The following IPCEF1 variants were observed in gnomAD, a reference collection of about 807,000 sequenced individuals.
IPCEF1 encodes the protein interactor protein for cytohesin exchange factors 1.
A neutral mutation model predicts 50.9 loss-of-function variants in IPCEF1; 31 were observed. The observed-to-expected ratio is 0.61, with a 90% CI of 0.46 to 0.82. The LOEUF (loss-of-function observed/expected upper bound fraction) is 0.82. IPCEF1 is among the 40% of genes least tolerant of loss of function. IPCEF1 has a pLI of 0.00. For synonymous variants in IPCEF1, 181 were observed against 192.0 expected (o/e 0.94, Z 0.47); for missense variants, 458 against 514.0 (o/e 0.89, Z 1.05).
intron 1 of IPCEF1, among the ~76,000 whole-genome samples, chr6:154,331,321 A>G (rs1406881514): frequency 6.7e-6 from 1 of 148,830 alleles, no homozygotes; most frequent in Admixed American, 6.8e-5. Flanking sequence ...AGAAAAGAAG[A>G]AGAAGAAGGG....
chr6:154,290,207 C>T (rs974056934), intron 1 of IPCEF1, among the ~76,000 whole-genome samples: 2 of 152,176 alleles, frequency 1.3e-5, no homozygotes, highest in African/African-American at 4.8e-5. Context: ...TGACCTCCCT[C>T]TGGGAACACT....
intron 1 of IPCEF1, among the ~76,000 whole-genome samples, chr6:154,333,994 G>C (rs1783735278): frequency 6.6e-6 from 1 of 151,994 alleles, no homozygotes; most frequent in African/African-American, 2.4e-5. Flanking sequence ...TCATTATAGA[G>C]AAAGACACAG....
intron 3 of IPCEF1, among the ~76,000 whole-genome samples, chr6:154,253,616 G>C (rs968744599): frequency 6.6e-6 from 1 of 152,168 alleles, no homozygotes; most frequent in African/African-American, 2.4e-5. Flanking sequence ...CATATATGCA[G>C]GTGTCTTTCT....
intron 1 of IPCEF1, among the ~76,000 whole-genome samples, chr6:154,333,601 T>C (rs1233811241): frequency 6.9e-6 from 1 of 145,340 alleles, no homozygotes; most frequent in African/African-American, 2.5e-5. Flanking sequence ...CACATATATA[T>C]GTATACAAGT....
At chr6:154,170,915 G>A (rs924793676) in intron 10 of IPCEF1, among the ~76,000 whole-genome samples, 4 of 152,036 alleles carry the variant, frequency 2.6e-5, no homozygotes, top group Non-Finnish European at 5.9e-5. Context: ...CTATCACCTG[G>A]GCTGGAGTGC....
Position 154,159,825 on chromosome 6 carries a change from G to C in IPCEF1, c.*3C>G, listed in dbSNP as rs757793957. The C allele has an allele frequency of 1.2e-6, 2 of 1,605,344 alleles. No homozygotes were observed. The highest frequency in any genetic ancestry group is 1.1e-5 in the South Asian group (1 of 90,094). On this transcript the variant is annotated 3_prime_UTR_variant, in exon 12 of 12. Coordinates refer to ENST00000367220, the MANE Select transcript of IPCEF1 (RefSeq NM_001130700.2). ...TATAAGAGGAGAAAACCCTGACTTT[G>C]TCTCAAATGGAATTTTCAACAGAGG...
intron 11 of IPCEF1, among the ~76,000 whole-genome samples, chr6:154,161,772 G>T (rs1799039571): frequency 6.6e-6 from 1 of 152,118 alleles, no homozygotes; most frequent in Non-Finnish European, 1.5e-5. Flanking sequence ...AATGCCAAGT[G>T]CCATGTAGAC....
chr6:154,259,022 A>G (rs1781529703), intron 3 of IPCEF1, among the ~76,000 whole-genome samples: 1 of 152,242 alleles, frequency 6.6e-6, no homozygotes, highest in Admixed American at 6.5e-5. Context: ...ACTTTGACAG[A>G]TGTCTGCAAA....
In IPCEF1 at chr6:154,256,785, T is replaced by G. The variant is rs139132679; in HGVS notation, c.36+9127A>C. Among the ~76,000 whole-genome samples, 519 of 152,322 alleles carry G rather than the reference T, an allele frequency of 3.4e-3. 6 individuals are homozygous for G. Among genetic ancestry groups the G allele is most frequent in the African/African-American group, 0.012 (496 of 41,588 alleles). On this transcript the variant is annotated intron_variant, in intron 3 of 11. Coordinates refer to ENST00000367220, the MANE Select transcript of IPCEF1 (RefSeq NM_001130700.2). ...AGTTTGACTTACAATGACTTTATGA[T>G]AGTACAAAAGCAAAAGCAGTATGCA...
At position 154,241,583 on chromosome 6, in the gene IPCEF1, A is replaced by T. The variant is rs530539567; in HGVS notation, c.246+5008T>A. Among the ~76,000 whole-genome samples, 54 of 152,202 alleles carry T rather than the reference A, an allele frequency of 3.5e-4. No homozygotes were observed. The South Asian group carries it at 8.9e-3, about 25-fold the overall frequency. On this transcript the variant is annotated intron_variant, in intron 5 of 11. Coordinates refer to ENST00000367220, the MANE Select transcript of IPCEF1 (RefSeq NM_001130700.2). ...TAGCCTCAAATTTTTTGTGTCTTAT[A>T]TCCAAGCGTTCTTCATACCTCACCC...
intron 1 of IPCEF1, among the ~76,000 whole-genome samples, chr6:154,314,683 T>A (rs1001169661): frequency 4.6e-5 from 7 of 152,170 alleles, no homozygotes; most frequent in African/African-American, 1.4e-4. Flanking sequence ...ATCTCAAGTT[T>A]TCACATGAAA....
intron 1 of IPCEF1, among the ~76,000 whole-genome samples, chr6:154,311,045 A>AT (rs1173227558): frequency 6.6e-6 from 1 of 152,218 alleles, no homozygotes; most frequent in Non-Finnish European, 1.5e-5. Flanking sequence ...TTGGAAGGGA[A>AT]TAAATATGCT....
At chr6:154,327,920 G>A (rs111581363) in intron 1 of IPCEF1, among the ~76,000 whole-genome samples, 3,209 of 152,268 alleles carry the variant, frequency 0.021, 60 homozygotes, top group Non-Finnish European at 0.032. Context: ...GTCCTTTGTA[G>A]GGATATGGAT....
At chr6:154,336,629 G>T (rs754405357) in intron 1 of IPCEF1, among the ~76,000 whole-genome samples, 1 of 151,844 alleles carries the variant, frequency 6.6e-6, no homozygotes, top group African/African-American at 2.4e-5. Context: ...TTGAGACCAA[G>T]GTCTCACTCT....
intron 1 of IPCEF1, among the ~76,000 whole-genome samples, chr6:154,351,262 A>G (rs546569955): frequency 6.6e-6 from 1 of 152,356 alleles, no homozygotes; most frequent in African/African-American, 2.4e-5. Flanking sequence ...TTGTTATGAA[A>G]GAGCAGCATG....
chr6:154,325,843 C>T (rs769568059), intron 1 of IPCEF1, among the ~76,000 whole-genome samples: 2 of 151,968 alleles, frequency 1.3e-5, no homozygotes, highest in Non-Finnish European at 2.9e-5. Context: ...ACAATAATTG[C>T]CATCATAATT....
At chr6:154,267,113 A>C (rs193035415) in intron 2 of IPCEF1, among the ~76,000 whole-genome samples, 3 of 143,590 alleles carry the variant, frequency 2.1e-5, no homozygotes, top group African/African-American at 7.8e-5. Flanking sequence ...AGGACTGATA[A>C]ATTTACTTAA....
At chr6:154,313,067 C>A (rs1388116547) in intron 1 of IPCEF1, among the ~76,000 whole-genome samples, 171 of 58,918 alleles carry the variant, frequency 2.9e-3, no homozygotes, top group Admixed American at 3.8e-3. Context: ...GGCCCTGTCT[C>A]AAAAAAAAAA....
intron 1 of IPCEF1, among the ~76,000 whole-genome samples, chr6:154,296,596 G>A (rs982235702): frequency 5.3e-5 from 8 of 152,078 alleles, no homozygotes; most frequent in African/African-American, 1.9e-4. Flanking sequence ...TTGGGAGGCC[G>A]AGGAGGGCAG....
Sources: gnomAD v4.1 joint callset for allele counts (sites outside exome capture counted in the v4.1 genomes callset) on GRCh38, gnomAD v4.1.1 for gene constraint, MANE v1.5 for transcripts, NCBI Gene and HGNC (gene_info 2026-07-23, HGNC 2026-07-21) for gene names.